NCOA2: variants seen among roughly 807,000 people sequenced by gnomAD.
NCOA2 encodes the protein nuclear receptor coactivator 2.
A neutral mutation model predicts 145.1 loss-of-function variants in NCOA2; 21 were observed. That is an observed-to-expected ratio of 0.14 (90% CI 0.10 to 0.21). The LOEUF is 0.21. Among genes scored for constraint, NCOA2 ranks in the 10% least tolerant of loss-of-function variants. The pLI is 1.00. For missense variants in NCOA2, 1,472 were observed against 1,837.6 expected, an observed-to-expected ratio of 0.80 and a Z score of 3.64; for synonymous variants, 619 against 637.5, an observed-to-expected ratio of 0.97 and a Z score of 0.44.
chr8:70,385,714 A>T (rs60034031), intron 1 of NCOA2, among the ~76,000 whole-genome samples: 15,964 of 152,278 alleles, frequency 0.1, 1,278 homozygotes, highest in East Asian at 0.41. Context: ...GGCATGAGCC[A>T]CTGCACCCAG....
At chr8:70,251,580 T>G (rs1823184548) in intron 2 of NCOA2, among the ~76,000 whole-genome samples, 1 of 152,216 alleles carries the variant, frequency 6.6e-6, no homozygotes, top group South Asian at 2.1e-4. Flanking sequence ...AAAACTGAAA[T>G]TCTTAAGTCA....
chr8:70,302,439 C>A (rs1299842208), intron 1 of NCOA2, among the ~76,000 whole-genome samples: 1 of 152,178 alleles, frequency 6.6e-6, no homozygotes, highest in Non-Finnish European at 1.5e-5. Context: ...TATACCTCCA[C>A]TGCAGACAAT....
intron 2 of NCOA2, among the ~76,000 whole-genome samples, chr8:70,289,543 T>G (rs947185565): frequency 8.5e-5 from 13 of 152,158 alleles, no homozygotes; most frequent in African/African-American, 3.1e-4. Context: ...GTCATACTGA[T>G]AGTTAACAAA....
At chr8:70,372,682 T>C (rs1299113467) in intron 1 of NCOA2, among the ~76,000 whole-genome samples, 7 of 152,228 alleles carry the variant, frequency 4.6e-5, no homozygotes, top group African/African-American at 1.7e-4. Context: ...AAGTCTGGTA[T>C]GTTTTAACAC....
intron 1 of NCOA2, among the ~76,000 whole-genome samples, chr8:70,387,240 A>G (rs1812750198): frequency 1.3e-5 from 2 of 152,200 alleles, no homozygotes; most frequent in South Asian, 4.1e-4. Context: ...CATATAACAC[A>G]CTGTAGCCTC....
chr8:70,422,974 G>A, the NCOA2 span, among the ~76,000 whole-genome samples: 574 of 152,112 alleles, frequency 3.8e-3, 1 homozygote, highest in Middle Eastern at 0.014. Flanking sequence ...GATTACAGGG[G>A]CCGCCACTGT....
the NCOA2 span, among the ~76,000 whole-genome samples, chr8:70,451,229 A>ATATATATATATATAT: frequency 1.3e-4 from 15 of 114,164 alleles, no homozygotes; most frequent in African/African-American, 5.7e-4. Context: ...AAAAAAAAAA[A>ATATATATATATATAT]AAAAAAAAAT....
chr8:70,439,702 C>T, the NCOA2 span, among the ~76,000 whole-genome samples: 2 of 152,278 alleles, frequency 1.3e-5, no homozygotes, highest in South Asian at 4.1e-4. Context: ...ACTTCCAACC[C>T]AGATGCCCAC....
intron 1 of NCOA2, among the ~76,000 whole-genome samples, chr8:70,392,293 C>T (rs145087073): frequency 3.9e-4 from 59 of 152,300 alleles, no homozygotes; most frequent in Admixed American, 2.0e-3. Flanking sequence ...CTGCACAAAG[C>T]GCCGCCCACT....
chr8:70,209,538 C>T (rs1038623128), intron 4 of NCOA2, among the ~76,000 whole-genome samples: 1 of 152,144 alleles, frequency 6.6e-6, no homozygotes, highest in Non-Finnish European at 1.5e-5. Context: ...ACAAACTTCA[C>T]TGTTATCTTA....
rs1372989363 is a variant in NCOA2, at chr8:70,124,518, C to T, written c.4094+170G>A. Among the ~76,000 whole-genome samples, 2 of 152,028 alleles carry T rather than the reference C, an allele frequency of 1.3e-5. No homozygotes were observed. The highest frequency in any genetic ancestry group is 6.6e-5 in the Admixed American group (1 of 15,252). On this transcript the variant is annotated intron_variant, in intron 20 of 22. Transcript: ENST00000452400. ...AAGAACATCCCTAACAAGGTACCAC[C>T]GACCAATTTATGATAGAAATTGCTG...
chr8:70,138,872 A>C (rs780739905), intron 14 of NCOA2, among the ~76,000 whole-genome samples: 6 of 152,296 alleles, frequency 3.9e-5, no homozygotes, highest in Non-Finnish European at 7.3e-5. Context: ...GATATCATAT[A>C]GCATGTAAAA....
At position 70,162,908 on chromosome 8, in the gene NCOA2, AT is replaced by A. The variant is rs367919677; in HGVS notation, c.833-55del. The stretch of plus-strand genomic sequence containing the variant: ...ACATGTTGATCTATTCTTTATGGAA[AT>A]AATTTTTTTTTTTTTTTTTTTTTGA... On this transcript the variant is annotated intron_variant, in intron 8 of 22. Transcript: ENST00000452400. 407 of 1,151,522 alleles carry A rather than the reference AT, an allele frequency of 3.5e-4. 3 individuals carry two copies. The South Asian group carries it at 4.2e-3, about 12-fold the overall frequency. 71.3% of individuals were successfully genotyped at this position (1,151,522 alleles called of 1,614,324 possible).
chr8:70,325,436 T>A (rs571038076), intron 1 of NCOA2, among the ~76,000 whole-genome samples: 3 of 151,364 alleles, frequency 2.0e-5, no homozygotes, highest in African/African-American at 7.3e-5. Context: ...GAACATAACA[T>A]CTTTTTTTTT....
chr8:70,385,786 C>T (rs1366476650), intron 1 of NCOA2, among the ~76,000 whole-genome samples: 2 of 152,036 alleles, frequency 1.3e-5, no homozygotes, highest in African/African-American at 2.4e-5. Context: ...ACAAATTTTA[C>T]AATTTTTCTG....
chr8:70,157,447 C>T (rs1585880930), intron 10 of NCOA2, among the ~76,000 whole-genome samples: 1 of 152,192 alleles, frequency 6.6e-6, no homozygotes, highest in East Asian at 1.9e-4. Context: ...TTTCAGGCAA[C>T]TCATTAAGAT....
At chr8:70,154,984 GTCTAGCCATTCCAGGA>G (rs1812126028) in intron 11 of NCOA2, among the ~76,000 whole-genome samples, 1 of 152,136 alleles carries the variant, frequency 6.6e-6, no homozygotes, top group Non-Finnish European at 1.5e-5. Flanking sequence ...AATTAGCTTG[GTCTAGCCATTCCAGGA>G]TATGGATTTC....
chr8:70,391,960 A>AT (rs1813248022), intron 1 of NCOA2, among the ~76,000 whole-genome samples: 1 of 152,250 alleles, frequency 6.6e-6, no homozygotes, highest in Non-Finnish European at 1.5e-5. Flanking sequence ...ATGAAGAATC[A>AT]TATCTGTAAT....
chr8:70,396,585 A>G (rs1251479264), intron 1 of NCOA2, among the ~76,000 whole-genome samples: 1 of 152,222 alleles, frequency 6.6e-6, no homozygotes, highest in Non-Finnish European at 1.5e-5. Flanking sequence ...CTTCACCCAT[A>G]TAATTCTTAT....
Sources: allele counts gnomAD v4.1 joint callset (sites outside exome capture counted in the v4.1 genomes callset), GRCh38; gene constraint gnomAD v4.1.1; transcripts MANE v1.5; gene names NCBI Gene and HGNC (gene_info 2026-07-23, HGNC 2026-07-21).